GABRG3: variants seen among roughly 807,000 people sequenced by gnomAD.
GABRG3 encodes gamma-aminobutyric acid receptor subunit gamma-3.
Under a neutral mutation model 48.8 loss-of-function variants are expected in GABRG3, and 25 were observed. The ratio of observed to expected loss-of-function variants is 0.51; its 90% CI spans 0.37 to 0.72. The LOEUF is 0.72. Ranked by LOEUF, GABRG3 falls within the 30% of genes least tolerant of loss-of-function variation. GABRG3 has a pLI of 0.00. For synonymous variants in GABRG3, 227 were observed against 217.6 expected (o/e 1.04, Z -0.38); for missense variants, 394 against 577.9 (o/e 0.68, Z 3.26).
At chr15:27,125,353 G>A (rs1275686903) in intron 3 of GABRG3, among the ~76,000 whole-genome samples, 1 of 152,100 alleles carries the variant, frequency 6.6e-6, no homozygotes, top group Non-Finnish European at 1.5e-5. Flanking sequence ...GAGAAGGGAA[G>A]GGAGGAGGAG....
Position 26,974,427 on chromosome 15 carries a change from G to A in GABRG3, c.54-2575G>A, listed in dbSNP as rs11853543. On this transcript the variant is annotated intron_variant, in intron 1 of 9. Coordinates refer to ENST00000615808, the MANE Select transcript of GABRG3 (RefSeq NM_033223.5). The surrounding 1 kb of genome is among the most constrained non-coding windows in gnomAD (Gnocchi z 4.3). Reference sequence around the variant, plus strand: ...AAAAGCTGGTTACTGTGCTCGGTTTGTGTGTATGTGATTATCAGGGCCATA... The same window carrying A: ...AAAAGCTGGTTACTGTGCTCGGTTTATGTGTATGTGATTATCAGGGCCATA... Among the ~76,000 whole-genome samples the A allele has an allele frequency of 0.014, 2,162 of 152,162 alleles. 60 individuals carry two copies. Among genetic ancestry groups the A allele is most frequent in the African/African-American group, 0.049 (2,048 of 41,478 alleles).
intron 3 of GABRG3, among the ~76,000 whole-genome samples, chr15:27,318,892 A>G (rs1893324237): frequency 1.3e-5 from 2 of 152,252 alleles, no homozygotes; most frequent in Non-Finnish European, 2.9e-5. Context: ...AGGACCTGGG[A>G]ACAGAGGAAA....
chr15:27,259,890 C>T (rs1890722189), intron 3 of GABRG3, among the ~76,000 whole-genome samples: 1 of 152,118 alleles, frequency 6.6e-6, no homozygotes, highest in Non-Finnish European at 1.5e-5. Flanking sequence ...TACCACAACA[C>T]CTGTCTGTGA....
chr15:27,469,081 G>A (rs976136812), intron 5 of GABRG3, among the ~76,000 whole-genome samples: 2 of 152,206 alleles, frequency 1.3e-5, no homozygotes, highest in African/African-American at 4.8e-5. Flanking sequence ...CATCCACTAA[G>A]GGTATTAGAA....
At chr15:27,418,117 C>T (rs1309724109) in intron 5 of GABRG3, among the ~76,000 whole-genome samples, 5 of 152,162 alleles carry the variant, frequency 3.3e-5, no homozygotes, top group Non-Finnish European at 4.4e-5. Context: ...ACAGGAGAAA[C>T]AGAGGGAAGG....
chr15:27,442,913 C>G (rs1332153270), intron 5 of GABRG3, among the ~76,000 whole-genome samples: 1 of 152,208 alleles, frequency 6.6e-6, no homozygotes. Flanking sequence ...ATGCCAGAGC[C>G]TTCCAATGAG....
At chr15:27,127,343 A>C (rs1198495473) in intron 3 of GABRG3, among the ~76,000 whole-genome samples, 1 of 151,802 alleles carries the variant, frequency 6.6e-6, no homozygotes, top group Non-Finnish European at 1.5e-5. Flanking sequence ...AAAATAAGCC[A>C]GTCAGAAAGA....
intron 5 of GABRG3, among the ~76,000 whole-genome samples, chr15:27,410,851 T>A (rs1450093833): frequency 1.4e-5 from 1 of 73,012 alleles, no homozygotes; most frequent in Non-Finnish European, 2.9e-5. Flanking sequence ...CGCTCGTGTG[T>A]GTGTGTGTGT....
chr15:27,116,452 A>G (rs1390718689), intron 3 of GABRG3, among the ~76,000 whole-genome samples: 1 of 152,200 alleles, frequency 6.6e-6, no homozygotes, highest in African/African-American at 2.4e-5. Context: ...AGAAACATCC[A>G]CTATCTACCT....
intron 3 of GABRG3, among the ~76,000 whole-genome samples, chr15:27,035,177 T>A (rs142241527): frequency 6.6e-6 from 1 of 152,196 alleles, no homozygotes; most frequent in Non-Finnish European, 1.5e-5. Context: ...GTAAAACTGC[T>A]TAATTTTAAA....
intron 3 of GABRG3, among the ~76,000 whole-genome samples, chr15:27,314,002 T>C (rs1040369102): frequency 2.6e-5 from 4 of 150,972 alleles, no homozygotes; most frequent in Non-Finnish European, 4.4e-5. Context: ...AGAAAAACAA[T>C]AGAAAAAATC....
At chr15:27,315,691 T>C (rs993634643) in intron 3 of GABRG3, among the ~76,000 whole-genome samples, 8 of 152,236 alleles carry the variant, frequency 5.3e-5, no homozygotes, top group African/African-American at 1.9e-4. Flanking sequence ...TATGAAATCT[T>C]GCACTTTAAA....
intron 3 of GABRG3, among the ~76,000 whole-genome samples, chr15:27,248,769 C>G (rs1294060840): frequency 1.0e-5 from 1 of 97,436 alleles, no homozygotes; most frequent in Admixed American, 1.1e-4. Context: ...AGAAGGAAAA[C>G]ACACACACAC....
intron 3 of GABRG3, among the ~76,000 whole-genome samples, chr15:27,213,451 G>T (rs1889136313): frequency 6.6e-6 from 1 of 152,242 alleles, no homozygotes; most frequent in Non-Finnish European, 1.5e-5. Flanking sequence ...AGGGAGCAAA[G>T]AGTGGACTGG....
chr15:27,513,366 C>T (rs899945014), intron 6 of GABRG3, among the ~76,000 whole-genome samples: 2 of 151,692 alleles, frequency 1.3e-5, no homozygotes, highest in African/African-American at 2.4e-5. Context: ...AGGAGAATGG[C>T]GTGAACCTGG....
intron 3 of GABRG3, among the ~76,000 whole-genome samples, chr15:27,215,452 A>G (rs1400825384): frequency 6.6e-6 from 1 of 152,164 alleles, no homozygotes; most frequent in Non-Finnish European, 1.5e-5. Context: ...GCCATTTAAC[A>G]TTATCTATGC....
At chr15:27,120,876 C>T (rs754310948) in intron 3 of GABRG3, among the ~76,000 whole-genome samples, 5 of 152,100 alleles carry the variant, frequency 3.3e-5, no homozygotes, top group Non-Finnish European at 5.9e-5. Context: ...CTAATCTCCC[C>T]AGTTGTTAAT....
chr15:27,382,494 G>A (rs1245591345), intron 5 of GABRG3, among the ~76,000 whole-genome samples: 4 of 152,158 alleles, frequency 2.6e-5, no homozygotes, highest in African/African-American at 7.2e-5. Context: ...CAGCTGGAGG[G>A]CACCATATGG....
chr15:27,499,093 C>T (rs1890557518), intron 6 of GABRG3, among the ~76,000 whole-genome samples: 1 of 152,122 alleles, frequency 6.6e-6, no homozygotes, highest in African/African-American at 2.4e-5. Context: ...TTCGGCATCC[C>T]AAGATAACCA....
Sources: allele counts gnomAD v4.1 joint callset (sites outside exome capture counted in the v4.1 genomes callset), GRCh38; gene constraint gnomAD v4.1.1; non-coding constraint Gnocchi (gnomAD v3.1); transcripts MANE v1.5; gene names NCBI Gene and HGNC (gene_info 2026-07-23, HGNC 2026-07-21).